Variants in RALGPS1 observed in about 807,000 individuals in gnomAD.
RALGPS1 encodes Ral GEF with PH domain and SH3 binding motif 1.
Under a neutral mutation model 78.8 loss-of-function variants are expected in RALGPS1, and 19 were observed. The ratio of observed to expected loss-of-function variants is 0.24; its 90% CI spans 0.17 to 0.35. RALGPS1 has a LOEUF of 0.35. Ranked by LOEUF, RALGPS1 falls within the 10% of genes least tolerant of loss-of-function variation. The pLI, the probability that RALGPS1 is intolerant of heterozygous loss-of-function variation, is 1.00. For missense variants in RALGPS1, 454 were observed against 688.3 expected (o/e 0.66, Z 3.81); for synonymous variants, 228 against 256.3 (o/e 0.89, Z 1.06).
At chr9:127,186,547 G>C (rs2060658460) in intron 11 of RALGPS1, among the ~76,000 whole-genome samples, 1 of 152,268 alleles carries the variant, frequency 6.6e-6, no homozygotes, top group African/African-American at 2.4e-5. Context: ...CCCCAGGCTT[G>C]GCAGGGCAGG....
rs2044420611 is a variant in RALGPS1 at position 127,012,329 on chromosome 9, G to A, written c.217-22102G>A. Among the ~76,000 whole-genome samples the A allele has an allele frequency of 2.0e-5, 3 of 152,082 alleles. No homozygotes were observed. The South Asian group carries it at 6.2e-4, about 32-fold the overall frequency. On this transcript the variant is annotated intron_variant, in intron 4 of 18. Transcript: ENST00000259351. Reference sequence around the variant, plus strand: ...AGCTTAAAAAGTTTAAGCTTAAAAAGCCTCAAAATGTTATGCCCAGATACT... The same window carrying A: ...AGCTTAAAAAGTTTAAGCTTAAAAAACCTCAAAATGTTATGCCCAGATACT...
Position 126,921,734 on chromosome 9 carries a change from C to T in RALGPS1, c.-66+6759C>T, listed in dbSNP as rs796680389. Among the ~76,000 whole-genome samples the T allele has an allele frequency of 3.3e-5, 5 of 152,104 alleles. No individual in the cohort carries two copies. The South Asian group carries it at 8.3e-4, about 25-fold the overall frequency. On this transcript the variant is annotated intron_variant, in intron 1 of 18. Transcript: ENST00000259351. ...AATGACTATACCTCTGTTTCCTCAT[C>T]GATACAAGAGGTGAGATAGTACGCG...
chr9:127,169,013 C>T (rs924769194), intron 10 of RALGPS1, among the ~76,000 whole-genome samples: 3 of 152,236 alleles, frequency 2.0e-5, no homozygotes, highest in Non-Finnish European at 4.4e-5. Flanking sequence ...CATCTCTGCC[C>T]CATCCTCATG....
intron 5 of RALGPS1, among the ~76,000 whole-genome samples, chr9:127,048,414 T>C (rs1437440162): frequency 6.6e-6 from 1 of 152,208 alleles, no homozygotes; most frequent in Non-Finnish European, 1.5e-5. Context: ...CCATGGCCAC[T>C]ATTACCAGCT....
At chr9:127,056,767 G>T (rs574181654) in intron 7 of RALGPS1, among the ~76,000 whole-genome samples, 6 of 152,284 alleles carry the variant, frequency 3.9e-5, no homozygotes, top group African/African-American at 1.2e-4. Flanking sequence ...TATCCTTGGT[G>T]CCCAGCCACT....
chr9:126,979,239 TTATGTGTGTG>T lies in RALGPS1; in HGVS notation c.216+1496_216+1505del, dbSNP rs1353034912. On this transcript the variant is annotated intron_variant, in intron 4 of 18. Transcript: ENST00000259351. ...GGCAGTTATTTGTATTATTGTATTA[TTATGTGTGTG>T]TGTGTGTGTGTGTGTGTGTGTGTGT... Among the ~76,000 whole-genome samples the T allele has an allele frequency of 5.4e-5, 5 of 92,094 alleles. 1 individual carries two copies. The highest frequency in any genetic ancestry group is 1.5e-4 in the African/African-American group (4 of 27,280). The allele number at this position is 92,094 out of a possible 152,430, so 60.4% of individuals were successfully genotyped here. A position where few individuals can be genotyped will look rare whatever the true frequency, so the allele number is the denominator to read the frequency against.
In RALGPS1 at chr9:127,052,927, A is replaced by G; in HGVS notation, c.471A>G (p.Thr157=). The part of the protein sequence containing the change: ...ALQSAPIFRL[T]KTWALLNRKD... ...AAAGTGCTCCCATCTTCAGGCTGACAAAAACCTGGGCTGTAAGTTAATCTC... is the reference window on the plus strand; with the variant it reads ...AAAGTGCTCCCATCTTCAGGCTGACGAAAACCTGGGCTGTAAGTTAATCTC... Residue 157 remains threonine, a synonymous_variant, in exon 7 of 19, where the codon ACA becomes ACG. Transcript: ENST00000259351. 1 of 1,593,396 alleles carries G rather than the reference A, an allele frequency of 6.3e-7. No homozygotes were observed. Among genetic ancestry groups the G allele is most frequent in the East Asian group, 2.2e-5 (1 of 44,790 alleles).
intron 8 of RALGPS1, among the ~76,000 whole-genome samples, chr9:127,089,510 TTGTGTTC>T (rs1033867649): frequency 4.6e-5 from 7 of 152,124 alleles, no homozygotes; most frequent in Non-Finnish European, 1.0e-4. Flanking sequence ...ACTCCACACC[TTGTGTTC>T]TGATAGGAAA....
intron 8 of RALGPS1, among the ~76,000 whole-genome samples, chr9:127,159,235 G>A (rs574091896): frequency 6.6e-4 from 100 of 152,282 alleles, no homozygotes; most frequent in Non-Finnish European, 1.2e-3. Context: ...CTGGGGGAAC[G>A]TTTGCAAACA....
intron 11 of RALGPS1, among the ~76,000 whole-genome samples, chr9:127,191,988 C>T (rs893521193): frequency 3.9e-5 from 6 of 152,220 alleles, no homozygotes; most frequent in East Asian, 3.8e-4. Context: ...TGAGCCACGG[C>T]GCCCGGCCTC....
chr9:127,150,005 A>G (rs2058328399), intron 8 of RALGPS1, among the ~76,000 whole-genome samples: 1 of 152,218 alleles, frequency 6.6e-6, no homozygotes, highest in East Asian at 1.9e-4. Flanking sequence ...AAGCCATGCC[A>G]TGGATCAGGA....
At chr9:126,957,876 T>A (rs957056623) in intron 1 of RALGPS1, among the ~76,000 whole-genome samples, 2 of 151,932 alleles carry the variant, frequency 1.3e-5, no homozygotes, top group Non-Finnish European at 2.9e-5. Context: ...GACTCATGCC[T>A]ATCTATAATC....
rs571875511 is a variant in RALGPS1, at chr9:127,212,053, C to T, written c.1248-78C>T. 2 of 1,171,664 alleles carry T rather than the reference C, an allele frequency of 1.7e-6. No individual in the cohort carries two copies. Among genetic ancestry groups the T allele is most frequent in the African/African-American group, 1.5e-5 (1 of 65,022 alleles). The allele number at this position is 1,171,664 out of a possible 1,614,324, so 72.6% of individuals were successfully genotyped here. ...ATGTCATGGACTTGGTAGTGGGGCACCTGTGGTCCCCAGTGAGTGAGAGGG... is the reference window on the plus strand; with the variant it reads ...ATGTCATGGACTTGGTAGTGGGGCATCTGTGGTCCCCAGTGAGTGAGAGGG... On this transcript the variant is annotated intron_variant, in intron 14 of 18. Coordinates refer to ENST00000259351, the MANE Select transcript of RALGPS1 (RefSeq NM_014636.3). The surrounding 1 kb of genome is among the most constrained non-coding windows in gnomAD (Gnocchi z 6.0).
At chr9:126,989,554 C>A (rs546104372) in intron 4 of RALGPS1, among the ~76,000 whole-genome samples, 3 of 152,060 alleles carry the variant, frequency 2.0e-5, no homozygotes. Flanking sequence ...GAGGCACGGA[C>A]CAGGTGCTCA....
intron 11 of RALGPS1, among the ~76,000 whole-genome samples, chr9:127,187,386 A>C (rs1011798580): frequency 6.6e-6 from 1 of 152,122 alleles, no homozygotes; most frequent in Non-Finnish European, 1.5e-5. Flanking sequence ...CCCAGCCACC[A>C]CAAGAGTGCG....
At chr9:127,004,380 A>G (rs1435246319) in intron 4 of RALGPS1, among the ~76,000 whole-genome samples, 1 of 152,264 alleles carries the variant, frequency 6.6e-6, no homozygotes, top group African/African-American at 2.4e-5. Context: ...TCCTGACCTC[A>G]GGTGATCCAC....
At chr9:127,188,224 GC>G in intron 11 of RALGPS1, among the ~76,000 whole-genome samples, 1 of 151,938 alleles carries the variant, frequency 6.6e-6, no homozygotes, top group East Asian at 1.9e-4. Flanking sequence ...ACCACACCCG[GC>G]TAATTTTTTG....
intron 4 of RALGPS1, among the ~76,000 whole-genome samples, chr9:126,981,993 G>A (rs182207096): frequency 3.9e-5 from 6 of 152,264 alleles, no homozygotes; most frequent in Admixed American, 6.5e-5. Context: ...ATGCCTGGCC[G>A]TTGGCAGGAA....
chr9:127,152,584 T>C (rs2058482669), intron 8 of RALGPS1, among the ~76,000 whole-genome samples: 2 of 152,206 alleles, frequency 1.3e-5, no homozygotes, highest in Admixed American at 1.3e-4. Flanking sequence ...CCCCAGGAGA[T>C]ATGAATTATT....
Sources: gnomAD v4.1 joint callset for allele counts (sites outside exome capture counted in the v4.1 genomes callset) on GRCh38, gnomAD v4.1.1 for gene constraint, Gnocchi (gnomAD v3.1) non-coding constraint, MANE v1.5 for transcripts, NCBI Gene and HGNC (gene_info 2026-07-23, HGNC 2026-07-21) for gene names.